Variants in EVI5 observed in about 807,000 individuals in gnomAD.
EVI5 encodes the protein ecotropic viral integration site 5.
In EVI5, 73 loss-of-function variants were observed where a neutral mutation model predicts 112.0. That is an observed-to-expected ratio of 0.65 (90% CI 0.54 to 0.79). The LOEUF (loss-of-function observed/expected upper bound fraction) is 0.79. Among genes scored for constraint, EVI5 ranks in the 30% least tolerant of loss-of-function variants. The pLI is 0.00. For synonymous variants in EVI5, 305 were observed against 319.9 expected (o/e 0.95, Z 0.50); for missense variants, 900 against 968.8 (o/e 0.93, Z 0.94).
At chr1:92,580,060 G>C (rs1671700093) in intron 18 of EVI5, among the ~76,000 whole-genome samples, 1 of 152,066 alleles carries the variant, frequency 6.6e-6, no homozygotes, top group African/African-American at 2.4e-5. Context: ...TATTTTTGTT[G>C]GAATTTTGTA....
At chr1:92,552,322 C>T (rs1043320016) in intron 19 of EVI5, among the ~76,000 whole-genome samples, 4 of 152,160 alleles carry the variant, frequency 2.6e-5, no homozygotes, top group Non-Finnish European at 5.9e-5. Flanking sequence ...TTCAGCTTGA[C>T]TCTGAACATC....
intron 1 of EVI5, among the ~76,000 whole-genome samples, chr1:92,747,590 TGTAGTCC>T (rs1679475065): frequency 6.6e-6 from 1 of 151,878 alleles, no homozygotes; most frequent in Admixed American, 6.6e-5. Flanking sequence ...GTTGGGTGCC[TGTAGTCC>T]CAGCTACTTG....
intron 18 of EVI5, among the ~76,000 whole-genome samples, chr1:92,579,794 G>C (rs1265631521): frequency 6.6e-6 from 1 of 152,184 alleles, no homozygotes; most frequent in Non-Finnish European, 1.5e-5. Context: ...GCCTCCCAAA[G>C]TGCTGAGATT....
Position 92,588,054 on chromosome 1 carries a change from T to C in EVI5, c.2070+17253A>G, listed in dbSNP as rs569308765. Among the ~76,000 whole-genome samples the C allele has an allele frequency of 1.2e-3, 180 of 152,336 alleles. 1 individual carries two copies. Among genetic ancestry groups the C allele is most frequent in the Non-Finnish European group, 1.8e-3 (124 of 68,034 alleles). The stretch of plus-strand genomic sequence containing the variant: ...TAGAGATAGCTCCATTTAGTATTAA[T>C]GTAAAAATAAAGTCTTCAAATAATA... On this transcript the variant is annotated intron_variant, in intron 18 of 19. Coordinates refer to ENST00000684568, the MANE Select transcript of EVI5 (RefSeq NM_001350197.2).
At chr1:92,621,872 C>A (rs1346803918) in intron 16 of EVI5, among the ~76,000 whole-genome samples, 1 of 152,030 alleles carries the variant, frequency 6.6e-6, no homozygotes. Flanking sequence ...CCTGTAATCC[C>A]AGCACTTTGG....
At position 92,513,803 on chromosome 1, in the gene EVI5, T is replaced by C; in HGVS notation, c.2334A>G (p.Lys778=). 6.2e-7 allele frequency: 1 copy of C among 1,613,642 alleles called. No homozygotes were observed. Residue 778 remains lysine, a synonymous_variant, in exon 20 of 20, where the codon AAA becomes AAG. Transcript: ENST00000684568. The stretch of plus-strand genomic sequence containing the variant: ...CGGGGTCCAAAGACATCGAACCAGA[T>C]TTTCCGTGCAAAGGAAAACCAACAC... ...ETGVGFPLHG[K]SGSMSLDPAV...
chr1:92,612,345 C>G (rs1453770883), intron 16 of EVI5, among the ~76,000 whole-genome samples: 1 of 152,124 alleles, frequency 6.6e-6, no homozygotes, highest in Admixed American at 6.5e-5. Flanking sequence ...ACAAATACAT[C>G]ATAATCAGGA....
At chr1:92,539,111 C>T (rs1664359112) in intron 19 of EVI5, among the ~76,000 whole-genome samples, 1 of 152,026 alleles carries the variant, frequency 6.6e-6, no homozygotes, top group African/African-American at 2.4e-5. Flanking sequence ...CTTATTTAGC[C>T]CTTACTATGT....
intron 1 of EVI5, among the ~76,000 whole-genome samples, chr1:92,765,710 A>G (rs1321755957): frequency 6.6e-6 from 1 of 152,092 alleles, no homozygotes; most frequent in Non-Finnish European, 1.5e-5. Context: ...TAGAGAAGGA[A>G]TTATTATTAC....
chr1:92,746,033 C>T (rs907127060), intron 1 of EVI5, among the ~76,000 whole-genome samples: 5 of 152,182 alleles, frequency 3.3e-5, no homozygotes, highest in South Asian at 2.1e-4. Flanking sequence ...AGTATACTTA[C>T]GTAATAAATA....
chr1:92,563,555 TGTCA>T lies in EVI5; in HGVS notation c.2166+83_2166+86del. 9 of 609,638 alleles carry T rather than the reference TGTCA, an allele frequency of 1.5e-5. No individual in the cohort carries two copies. In the South Asian group the frequency reaches 2.3e-4, roughly 16 times the overall value. The allele number at this position is 609,638 out of a possible 1,614,324, so 37.8% of individuals were successfully genotyped here. ...TCACAGAAGATATTCAGCATGAAAG[TGTCA>T]GTCTTATAACCAGTAATAAAGTGTT... On this transcript the variant is annotated intron_variant, in intron 19 of 19. Coordinates refer to ENST00000684568, the MANE Select transcript of EVI5 (RefSeq NM_001350197.2).
intron 10 of EVI5, among the ~76,000 whole-genome samples, chr1:92,669,360 C>T (rs893902423): frequency 6.6e-6 from 1 of 151,720 alleles, no homozygotes. Context: ...CCAGCCAGGC[C>T]AACATGGCAA....
chr1:92,683,285 A>G (rs1667908857), intron 9 of EVI5, among the ~76,000 whole-genome samples: 1 of 152,122 alleles, frequency 6.6e-6, no homozygotes, highest in Non-Finnish European at 1.5e-5. Flanking sequence ...TCTGGAGTGG[A>G]CCTCCAGCAA....
chr1:92,683,801 GTGAC>G (rs1668010151), intron 9 of EVI5, among the ~76,000 whole-genome samples: 1 of 152,092 alleles, frequency 6.6e-6, no homozygotes, highest in African/African-American at 2.4e-5. Flanking sequence ...GTGGAAGAAA[GTGAC>G]TGAAGATGAA....
chr1:92,767,326 T>G (rs2103022058), intron 1 of EVI5, among the ~76,000 whole-genome samples: 1 of 152,372 alleles, frequency 6.6e-6, no homozygotes, highest in Middle Eastern at 3.4e-3. Flanking sequence ...TATTAATTGT[T>G]GTCTTTACTC....
intron 19 of EVI5, among the ~76,000 whole-genome samples, chr1:92,557,296 T>C (rs553343206): frequency 1.3e-3 from 193 of 152,222 alleles, no homozygotes; most frequent in African/African-American, 4.6e-3. Context: ...TTTTCTTTTT[T>C]TGTTTTTTTG....
chr1:92,551,044 T>TTTC (rs1553178853), intron 19 of EVI5, among the ~76,000 whole-genome samples: 2 of 96,766 alleles, frequency 2.1e-5, no homozygotes, highest in African/African-American at 6.4e-5. Flanking sequence ...TTCTTTCTTT[T>TTTC]TTTTTTTTTT....
intron 14 of EVI5, among the ~76,000 whole-genome samples, chr1:92,627,898 T>G (rs1656034232): frequency 6.6e-6 from 1 of 152,032 alleles, no homozygotes; most frequent in African/African-American, 2.4e-5. Context: ...CAAGCAATTC[T>G]CTGCCTCAGC....
intron 18 of EVI5, among the ~76,000 whole-genome samples, chr1:92,588,441 T>C (rs140251968): frequency 1.3e-5 from 2 of 152,334 alleles, no homozygotes; most frequent in East Asian, 3.9e-4. Context: ...CCCCCAAATC[T>C]TCATGCCTCA....
Sources: allele counts gnomAD v4.1 joint callset (sites outside exome capture counted in the v4.1 genomes callset), GRCh38; gene constraint gnomAD v4.1.1; transcripts MANE v1.5; gene names NCBI Gene and HGNC (gene_info 2026-07-23, HGNC 2026-07-21).